EYS: variants seen among roughly 807,000 people sequenced by gnomAD.
The protein encoded by EYS is protein eyes shut homolog.
In EYS, 250 loss-of-function variants were observed where a neutral mutation model predicts 282.1. The ratio of observed to expected loss-of-function variants is 0.89; its 90% CI spans 0.80 to 0.98. The LOEUF is 0.98. EYS is among the 50% of genes least tolerant of loss of function. The pLI, the probability that EYS is intolerant of heterozygous loss-of-function variation, is 0.00. For synonymous variants in EYS, 1,355 were observed against 1,282.9 expected (o/e 1.06, Z -1.20); for missense variants, 4,016 against 3,709.0 (o/e 1.08, Z -2.15).
At chr6:64,886,915 A>G in intron 18 of EYS, 73 bp from the exon 19 acceptor site, 1 of 895,238 alleles carries the variant, frequency 1.1e-6, no homozygotes, top group South Asian at 2.2e-5. Context: ...ATTCATATTT[A>G]TATTTTAAAT....
At chr6:65,210,681 C>G (rs1766152338) in intron 12 of EYS, among the ~76,000 whole-genome samples, 1 of 151,752 alleles carries the variant, frequency 6.6e-6, no homozygotes, top group African/African-American at 2.4e-5. Flanking sequence ...TGAAAGGAAT[C>G]ATGAATAAAA....
At chr6:65,556,403 GTGTGTGTA>G (rs934988612) in intron 2 of EYS, among the ~76,000 whole-genome samples, 10 of 151,930 alleles carry the variant, frequency 6.6e-5, no homozygotes, top group African/African-American at 2.2e-4. Flanking sequence ...GTGTGTGTGT[GTGTGTGTA>G]TGTGTGACTA....
chr6:63,832,751 G>A (rs993233127), intron 36 of EYS, among the ~76,000 whole-genome samples: 6 of 152,022 alleles, frequency 3.9e-5, no homozygotes, highest in Non-Finnish European at 7.4e-5. Flanking sequence ...AAGCCTGGCC[G>A]AGACACAACA....
At chr6:65,480,453 G>A (rs1765567428) in intron 5 of EYS, among the ~76,000 whole-genome samples, 1 of 151,968 alleles carries the variant, frequency 6.6e-6, no homozygotes, top group South Asian at 2.1e-4. Flanking sequence ...ATATTATATT[G>A]ATTTTAGATC....
intron 40 of EYS, among the ~76,000 whole-genome samples, chr6:63,764,707 T>C (rs1290593711): frequency 1.3e-5 from 2 of 152,046 alleles, no homozygotes; most frequent in Non-Finnish European, 2.9e-5. Context: ...TTAAAGTAGA[T>C]AAATCACATT....
chr6:65,655,532 A>C (rs1243288120), intron 1 of EYS, among the ~76,000 whole-genome samples: 1 of 151,800 alleles, frequency 6.6e-6, no homozygotes, highest in Admixed American at 6.6e-5. Context: ...TAGATAAACC[A>C]TATCTAGCCA....
intron 5 of EYS, among the ~76,000 whole-genome samples, chr6:65,481,932 C>A (rs751103402): frequency 6.6e-6 from 1 of 152,026 alleles, no homozygotes; most frequent in Admixed American, 6.6e-5. Flanking sequence ...GCCAATAAAT[C>A]TATGGAGGAT....
chr6:64,892,184 G>A (rs967298004), intron 18 of EYS, among the ~76,000 whole-genome samples: 1 of 151,876 alleles, frequency 6.6e-6, no homozygotes, highest in Admixed American at 6.6e-5. Flanking sequence ...AATTAGCCAC[G>A]ATTACATTTC....
At chr6:64,176,143 C>G (rs1764627890) in intron 31 of EYS, among the ~76,000 whole-genome samples, 1 of 151,954 alleles carries the variant, frequency 6.6e-6, no homozygotes, top group Admixed American at 6.6e-5. Context: ...TGGCAGGGTC[C>G]ATATGGTCCA....
intron 14 of EYS, among the ~76,000 whole-genome samples, chr6:64,950,798 C>CATATAT (rs1171736217): frequency 0.012 from 676 of 54,196 alleles, 14 homozygotes; most frequent in East Asian, 0.022. Flanking sequence ...TATACATATA[C>CATATAT]ATATATATAT....
chr6:65,553,150 A>C (rs2127335279), intron 2 of EYS, among the ~76,000 whole-genome samples: 1 of 152,264 alleles, frequency 6.6e-6, no homozygotes, highest in African/African-American at 2.4e-5. Context: ...AAAAATATAA[A>C]TTCACTTCTA....
chr6:65,160,110 GT>G (rs202231047), intron 12 of EYS, among the ~76,000 whole-genome samples: 1 of 150,216 alleles, frequency 6.7e-6, no homozygotes, highest in African/African-American at 2.4e-5. Context: ...TCAGTACAGC[GT>G]TTTTTTTGTT....
At chr6:64,615,078 T>G (rs1270280145) in intron 24 of EYS, among the ~76,000 whole-genome samples, 1 of 152,130 alleles carries the variant, frequency 6.6e-6, no homozygotes, top group African/African-American at 2.4e-5. Flanking sequence ...TAGAATGCCA[T>G]GACTTACCCC....
intron 31 of EYS, among the ~76,000 whole-genome samples, chr6:64,097,373 G>T (rs1277989457): frequency 2.6e-5 from 4 of 152,204 alleles, no homozygotes; most frequent in Non-Finnish European, 5.9e-5. Context: ...GAGGAAGGCA[G>T]GCCTCCTTGA....
intron 35 of EYS, among the ~76,000 whole-genome samples, chr6:63,894,461 A>G (rs1773483533): frequency 1.3e-5 from 2 of 152,160 alleles, no homozygotes; most frequent in Non-Finnish European, 2.9e-5. Flanking sequence ...GCTGGAAGAG[A>G]CGAGGAAGGA....
In EYS at chr6:64,813,411, C is replaced by G; in HGVS notation, c.3410G>C (p.Cys1137Ser). 1 of 1,548,982 alleles carries G rather than the reference C, an allele frequency of 6.5e-7. No individual in the cohort carries two copies. The highest frequency in any genetic ancestry group is 2.0e-5 in the Admixed American group (1 of 50,780). ...AAAAGTATGTCCAGGCCCATCAACACAGATCCCTCCATTAAGACAGATGAC... is the reference window on the plus strand; with the variant it reads ...AAAAGTATGTCCAGGCCCATCAACAGAGATCCCTCCATTAAGACAGATGAC... ...NSVICLNGGICVDGPGHTFDC... is the reference protein window; with the variant it reads ...NSVICLNGGISVDGPGHTFDC... The change falls in exon 22 of 43, where the codon TGT (cysteine) becomes TCT (serine). Residue 1137 changes from cysteine (C) to serine (S), a missense_variant. Physicochemically the swap from Cys to Ser is moderately radical, Grantham distance 112 (BLOSUM62 -1). Coordinates refer to ENST00000503581, the MANE Select transcript of EYS (RefSeq NM_001142800.2).
intron 12 of EYS, among the ~76,000 whole-genome samples, chr6:65,278,433 GA>G (rs1768124422): frequency 1.4e-5 from 1 of 71,422 alleles, no homozygotes; most frequent in African/African-American, 3.6e-5. Flanking sequence ...TTTCTCTGGA[GA>G]ACCCTAATAC....
chr6:64,578,982 A>C (rs1413058170), intron 26 of EYS, among the ~76,000 whole-genome samples: 1 of 152,160 alleles, frequency 6.6e-6, no homozygotes, highest in Non-Finnish European at 1.5e-5. Flanking sequence ...TTTGGGAGGC[A>C]ACAGAAATAT....
chr6:64,198,081 T>C (rs921825500), intron 31 of EYS, among the ~76,000 whole-genome samples: 2 of 151,770 alleles, frequency 1.3e-5, no homozygotes, highest in African/African-American at 2.4e-5. Flanking sequence ...CAAGCTCCGC[T>C]TCCCGGGTTC....
Sources: allele counts gnomAD v4.1 joint callset (sites outside exome capture counted in the v4.1 genomes callset), GRCh38; gene constraint gnomAD v4.1.1; transcripts MANE v1.5; gene names NCBI Gene and HGNC (gene_info 2026-07-23, HGNC 2026-07-21).